The following SCD5 variants were observed in gnomAD, a reference collection of about 807,000 sequenced individuals.
SCD5 encodes the protein acyl-CoA-desaturase 4.
Under a neutral mutation model 30.4 loss-of-function variants are expected in SCD5, and 20 were observed. The ratio of observed to expected loss-of-function variants is 0.66; its 90% CI spans 0.46 to 0.96. The LOEUF is 0.96. Ranked by LOEUF, SCD5 falls within the 40% of genes least tolerant of loss-of-function variation. The probability of loss-of-function intolerance (pLI) is 0.00; values close to 1 mark genes in which losing one functional copy is unlikely to be tolerated. For synonymous variants in SCD5, 173 were observed against 176.4 expected (o/e 0.98, Z 0.16); for missense variants, 381 against 443.3 (o/e 0.86, Z 1.26).
chr4:82,787,974 T>G (rs1246919586), intron 1 of SCD5, among the ~76,000 whole-genome samples: 1 of 152,144 alleles, frequency 6.6e-6, no homozygotes, highest in Non-Finnish European at 1.5e-5. Context: ...GAGTTCGTGG[T>G]TAGAGTAAGC....
At chr4:82,753,198 C>T (rs921894728) in intron 1 of SCD5, 4 of 403,214 alleles carry the variant, frequency 9.9e-6, no homozygotes, top group Non-Finnish European at 2.0e-5. Context: ...CATGTCTCAC[C>T]TACTTCATGT....
At chr4:82,648,399 GGAGTGCACA>G in intron 3 of SCD5, among the ~76,000 whole-genome samples, 1 of 152,238 alleles carries the variant, frequency 6.6e-6, no homozygotes, top group East Asian at 1.9e-4. Context: ...AAAGCCAGTT[GGAGTGCACA>G]GAGAGGTGCT....
At position 82,754,320 on chromosome 4, in the gene SCD5, G is replaced by T. The variant is rs150119643; in HGVS notation, c.232+43986C>A. On this transcript the variant is annotated intron_variant, in intron 1 of 4. Transcript: ENST00000319540. ...AAGGCCCTGCTTTTCAACCTCCTCAGTTTTCATATCACAGAAAAGCAGCTA... is the reference window on the plus strand; with the variant it reads ...AAGGCCCTGCTTTTCAACCTCCTCATTTTTCATATCACAGAAAAGCAGCTA... Among the ~76,000 whole-genome samples, 1,144 of 152,350 alleles carry T rather than the reference G, an allele frequency of 7.5e-3. 9 individuals are homozygous for T. The highest frequency in any genetic ancestry group is 0.014 in the Non-Finnish European group (919 of 68,034).
chr4:82,679,263 G>GA lies in SCD5; in HGVS notation c.569+1443_569+1444insT, dbSNP rs1560531713. On this transcript the variant is annotated intron_variant, in intron 3 of 4. Coordinates refer to ENST00000319540, the MANE Select transcript of SCD5 (RefSeq NM_001037582.3). ...AAGAAAGAAAGAAAGAAAGAAAGAA[G>GA]GAAGGAAAGAAAGAAAGAAGGAAGG... 4.4e-3 allele frequency among the ~76,000 whole-genome samples: 524 copies of GA among 118,332 alleles called. 28 individuals carry two copies. The highest frequency in any genetic ancestry group is 5.4e-3 in the Admixed American group (63 of 11,634). 77.6% of individuals were successfully genotyped at this position (118,332 alleles called of 152,430 possible).
intron 1 of SCD5, among the ~76,000 whole-genome samples, chr4:82,741,978 G>C (rs995023366): frequency 1.3e-5 from 2 of 151,868 alleles, no homozygotes; most frequent in South Asian, 4.2e-4. Flanking sequence ...GACTCAGGAG[G>C]CTGAGGCAGG....
chr4:82,679,211 A>AG (rs1560531548), intron 3 of SCD5, among the ~76,000 whole-genome samples: 8 of 81,580 alleles, frequency 9.8e-5, no homozygotes, highest in African/African-American at 2.8e-4. Context: ...AAAAAAAAAA[A>AG]AAAGAAAGAA....
chr4:82,766,379 A>G (rs11730513), intron 1 of SCD5, among the ~76,000 whole-genome samples: 28,692 of 152,140 alleles, frequency 0.19, 3,703 homozygotes, highest in African/African-American at 0.37. Flanking sequence ...AATAAATCCT[A>G]TCCAATGTAT....
intron 3 of SCD5, among the ~76,000 whole-genome samples, chr4:82,680,009 T>G (rs1728533843): frequency 1.3e-5 from 2 of 152,188 alleles, no homozygotes; most frequent in African/African-American, 4.8e-5. Flanking sequence ...TGCTACAAGC[T>G]CATCACAGCC....
chr4:82,697,089 A>G (rs1719712456), intron 2 of SCD5, among the ~76,000 whole-genome samples: 1 of 152,230 alleles, frequency 6.6e-6, no homozygotes, highest in Non-Finnish European at 1.5e-5. Flanking sequence ...AAGGAGGTTC[A>G]CTGTGTGCAG....
rs72916858 is a variant in SCD5, at chr4:82,698,097, G to A, written c.363+7186C>T. 1,093 of 456,602 alleles carry A rather than the reference G, an allele frequency of 2.4e-3. 13 individuals are homozygous for A. Among genetic ancestry groups the A allele is most frequent in the African/African-American group, 0.019 (944 of 50,180 alleles). 28.3% of individuals were successfully genotyped at this position (456,602 alleles called of 1,614,324 possible). On this transcript the variant is annotated intron_variant, in intron 2 of 4. Coordinates refer to ENST00000319540, the MANE Select transcript of SCD5 (RefSeq NM_001037582.3). ...TCTGCTGCTGCCTGTTTACATGGAG[G>A]AGAAAACCAACAACACCCACCCATC... is the stretch of plus-strand genomic sequence containing the variant.
chr4:82,659,245 C>G (rs910977678), intron 3 of SCD5, among the ~76,000 whole-genome samples: 1 of 152,000 alleles, frequency 6.6e-6, no homozygotes, highest in Non-Finnish European at 1.5e-5. Context: ...ATTAGTCTGG[C>G]TAGCAGTCTA....
At chr4:82,664,003 A>T (rs979086855) in intron 3 of SCD5, among the ~76,000 whole-genome samples, 23 of 152,192 alleles carry the variant, frequency 1.5e-4, no homozygotes, top group Admixed American at 1.3e-3. Flanking sequence ...GGACCAGAAC[A>T]ATGAAGAAAC....
intron 1 of SCD5, among the ~76,000 whole-genome samples, chr4:82,742,304 T>A (rs919242694): frequency 6.6e-6 from 1 of 151,974 alleles, no homozygotes; most frequent in African/African-American, 2.4e-5. Flanking sequence ...TTTTCCTGAG[T>A]AGAGTGTGCC....
intron 3 of SCD5, among the ~76,000 whole-genome samples, chr4:82,667,450 CACT>C (rs937529639): frequency 3.3e-5 from 5 of 152,064 alleles, no homozygotes; most frequent in Admixed American, 2.6e-4. Flanking sequence ...ATATTTTAAC[CACT>C]ACATTAGGGA....
chr4:82,786,890 A>G (rs1560563609), intron 1 of SCD5, among the ~76,000 whole-genome samples: 1 of 152,054 alleles, frequency 6.6e-6, no homozygotes. Context: ...GGCATTGTAC[A>G]TGCCTTGTTT....
chr4:82,684,389 A>T (rs542171635), intron 2 of SCD5, among the ~76,000 whole-genome samples: 15 of 152,336 alleles, frequency 9.8e-5, no homozygotes, highest in African/African-American at 2.9e-4. Context: ...TAAATAAATT[A>T]AAAAAAGAAA....
At chr4:82,715,003 G>A (rs550618844) in intron 1 of SCD5, among the ~76,000 whole-genome samples, 1 of 151,602 alleles carries the variant, frequency 6.6e-6, no homozygotes, top group East Asian at 1.9e-4. Flanking sequence ...TTGGGAGGCT[G>A]AGGCAGGCAG....
intron 1 of SCD5, among the ~76,000 whole-genome samples, chr4:82,764,323 C>T (rs1721441798): frequency 6.6e-6 from 1 of 152,190 alleles, no homozygotes; most frequent in South Asian, 2.1e-4. Flanking sequence ...AGATCATTTA[C>T]ATTTGGTGCT....
chr4:82,783,004 C>T (rs1479151026), intron 1 of SCD5, among the ~76,000 whole-genome samples: 1 of 152,206 alleles, frequency 6.6e-6, no homozygotes, highest in Admixed American at 6.5e-5. Context: ...GTCTCCAACC[C>T]CCTGGCTATA....
Sources: allele counts gnomAD v4.1 joint callset (sites outside exome capture counted in the v4.1 genomes callset), GRCh38; gene constraint gnomAD v4.1.1; transcripts MANE v1.5; gene names NCBI Gene and HGNC (gene_info 2026-07-23, HGNC 2026-07-21).